FAM9C: variants seen among roughly 807,000 people sequenced by gnomAD.
FAM9C encodes the protein protein FAM9C.
FAM9C carries 15 observed loss-of-function variants against 14.8 expected under a neutral mutation model. That is an observed-to-expected ratio of 1.02 (90% CI 0.68 to 1.56). The LOEUF is 1.56. FAM9C is among the 40% of genes most tolerant of loss of function. FAM9C has a pLI of 0.00. For missense variants in FAM9C, 116 were observed against 118.0 expected, an observed-to-expected ratio of 0.98 and a Z score of 0.08; for synonymous variants, 45 against 37.5, an observed-to-expected ratio of 1.20 and a Z score of -0.74.
intron 7 of FAM9C, chrX:13,037,490 T>C (rs756700614): frequency 9.7e-5 from 11 of 112,857 alleles, no homozygotes; most frequent in Non-Finnish European, 1.9e-4. Context: ...CTGGGGAACA[T>C]TATAGCAACA....
rs779659660 is a variant in FAM9C at position 13,040,844 on chromosome X, CT to C, written c.242del (p.Lys81ArgfsTer15). 17 of 1,186,141 alleles carry C rather than the reference CT, an allele frequency of 1.4e-5. No homozygotes were observed. The Admixed American group carries it at 3.8e-4, about 26-fold the overall frequency. On this transcript the variant is annotated frameshift_variant, in exon 5 of 8. Coordinates refer to ENST00000380625, the MANE Select transcript of FAM9C (RefSeq NM_174901.6). LOFTEE classifies it high-confidence loss of function. ...AADIKEHLAA[K>X]RKRIEKIAKA... Reference sequence around the variant, plus strand: ...TTGCAATCTTTTCAATCCTTTTTCTCTTTGCAGCAAGATGCTCTTTAATGTC... The same window carrying C: ...TTGCAATCTTTTCAATCCTTTTTCTCTTGCAGCAAGATGCTCTTTAATGTC...
chrX:13,039,517 C>T (rs2147290867), intron 6 of FAM9C, among the ~76,000 whole-genome samples: 1 of 111,782 alleles, frequency 8.9e-6, no homozygotes, highest in South Asian at 3.8e-4. Flanking sequence ...CCAACTCTCC[C>T]TCTATCAACA....
chrX:13,044,251 G>C (rs921079536), intron 1 of FAM9C, among the ~76,000 whole-genome samples: 4 of 110,897 alleles, frequency 3.6e-5, no homozygotes, highest in African/African-American at 1.3e-4. Context: ...ACGCCCAGGG[G>C]ACCCCTGGTG....
rs776082875 is a variant in FAM9C, at chrX:13,043,686, T to C, written c.61+43A>G. ...CCCCGCCCAGAAAGCAGACAGACTG[T>C]TGGGCGTGCACCTTCTTCTAGGTCC... On this transcript the variant is annotated intron_variant, in intron 2 of 7. Coordinates refer to ENST00000380625, the MANE Select transcript of FAM9C (RefSeq NM_174901.6). The C allele has an allele frequency of 1.2e-5, 14 of 1,197,700 alleles. No homozygotes were observed. The South Asian group carries it at 1.8e-4, about 15-fold the overall frequency.
rs747837255 is a variant in FAM9C, at chrX:13,039,933, G to A, written c.330-17C>T. On this transcript the variant is annotated splice_polypyrimidine_tract_variant and intron_variant, in intron 5 of 7. Coordinates refer to ENST00000380625, the MANE Select transcript of FAM9C (RefSeq NM_174901.6). ...CGTTTCTGCCTGTAACACATAATAA[G>A]TAACAAGGTCATACGTCATAGAGGG... 4 of 1,164,267 alleles carry A rather than the reference G, an allele frequency of 3.4e-6. No homozygotes were observed. In the South Asian group the frequency reaches 5.9e-5, roughly 17 times the overall value.
intron 1 of FAM9C, among the ~76,000 whole-genome samples, chrX:13,044,309 G>A (rs112718578): frequency 0.054 from 5,170 of 96,381 alleles, 180 homozygotes; most frequent in Middle Eastern, 0.086. Flanking sequence ...ACGGACCCAC[G>A]TTGACCCCCC....
intron 1 of FAM9C, among the ~76,000 whole-genome samples, chrX:13,044,064 C>T (rs1339975705): frequency 1.8e-5 from 2 of 112,417 alleles, no homozygotes; most frequent in Non-Finnish European, 1.9e-5. Flanking sequence ...GCGGCCTCTG[C>T]GGGATTCTTG....
intron 1 of FAM9C, 50 bp from the exon 2 acceptor site, chrX:13,043,907 A>G: frequency 1.3e-6 from 1 of 769,823 alleles, no homozygotes; most frequent in Non-Finnish European, 1.9e-6. Context: ...GAGGCGTGTT[A>G]AATGAAAATC....
At chrX:13,039,359 C>T (rs1189556356) in intron 6 of FAM9C, among the ~76,000 whole-genome samples, 1 of 111,204 alleles carries the variant, frequency 9.0e-6, no homozygotes, top group Non-Finnish European at 1.9e-5. Context: ...TTCAGTACTA[C>T]AGCTCAGGAG....
At position 13,043,170 on chromosome X, in the gene FAM9C, T is replaced by G. The variant is rs760229204; in HGVS notation, c.140A>C (p.His47Pro). 4 of 1,211,414 alleles carry G rather than the reference T, an allele frequency of 3.3e-6. No homozygotes were observed. Among genetic ancestry groups the G allele is most frequent in the Non-Finnish European group, 4.5e-6 (4 of 895,347 alleles). ...ETKEGDVTDE[H>P]GERGSFAETD... ...TTCAGCAAAAGATCCTCTTTCCCCATGCTCATCAGTTACATCTCCCTCCTT... is the reference window on the plus strand; with the variant it reads ...TTCAGCAAAAGATCCTCTTTCCCCAGGCTCATCAGTTACATCTCCCTCCTT... The change falls in exon 3 of 8, where the codon CAT becomes CCT. Residue 47 changes from histidine (H) to proline (P), a missense_variant. Physicochemically the swap from His to Pro is moderately conservative, Grantham distance 77 (BLOSUM62 -2). Coordinates refer to ENST00000380625, the MANE Select transcript of FAM9C (RefSeq NM_174901.6).
intron 7 of FAM9C, 107 bp downstream of exon 7, chrX:13,038,309 A>G: frequency 6.6e-6 from 4 of 606,646 alleles, no homozygotes; most frequent in Non-Finnish European, 9.6e-6. Flanking sequence ...TTTAAAATGT[A>G]TAACCAAAAT....
chrX:13,038,424 A>G lies in FAM9C; in HGVS notation c.*17T>C, dbSNP rs1387158123. 1 of 1,194,513 alleles carries G rather than the reference A, an allele frequency of 8.4e-7. No homozygotes were observed. The highest frequency in any genetic ancestry group is 1.8e-5 in the African/African-American group (1 of 57,054). On this transcript the variant is annotated 3_prime_UTR_variant, in exon 7 of 8. Transcript: ENST00000380625. ...TACCAAATAGAACAGACCTTTGTGA[A>G]TTGCTCGTGTGGTGGCTCAATCTCT... is the stretch of plus-strand genomic sequence containing the variant.
chrX:13,039,944 A>G, intron 5 of FAM9C, 28 bp from the exon 6 acceptor site: 1 of 1,139,332 alleles, frequency 8.8e-7, no homozygotes. Context: ...TAACAAGGTC[A>G]TACGTCATAG....
Position 13,035,997 on chromosome X carries a change from T to C in FAM9C, c.*47A>G, listed in dbSNP as rs762558130. 8.9e-6 allele frequency: 1 copy of C among 112,619 alleles called. No individual in the cohort carries two copies. The highest frequency in any genetic ancestry group is 9.4e-5 in the Admixed American group (1 of 10,679). The allele number at this position is 112,619 out of a possible 1,213,427, so 9.3% of individuals were successfully genotyped here. A position where few individuals can be genotyped will look rare whatever the true frequency, so the allele number is the denominator to read the frequency against. On this transcript the variant is annotated 3_prime_UTR_variant, in exon 8 of 8. Coordinates refer to ENST00000380625, the MANE Select transcript of FAM9C (RefSeq NM_174901.6). ...AACAGAGGTTGAAGATACATCTGAA[T>C]AAGTGCCAACTCTTGCTGCAGCTGT...
intron 5 of FAM9C, chrX:13,040,159 C>T (rs1190245459): frequency 3.0e-6 from 1 of 329,582 alleles, no homozygotes; most frequent in Non-Finnish European, 4.0e-6. Flanking sequence ...GGAGGGTTTA[C>T]TGCACTATAA....
At chrX:13,042,823 G>A (rs749014630) in intron 4 of FAM9C, 95 bp downstream of exon 4, 2 of 940,921 alleles carry the variant, frequency 2.1e-6, no homozygotes, top group Non-Finnish European at 3.1e-6. Flanking sequence ...AGGCATTTAA[G>A]ACAGTCTTGT....
intron 4 of FAM9C, chrX:13,041,177 C>CTTT: frequency 1.8e-5 from 2 of 108,284 alleles, no homozygotes; most frequent in Non-Finnish European, 3.7e-5. Context: ...ACTTTAATTT[C>CTTT]TTTTTTTTTT....
rs765817685 is a variant in FAM9C, at chrX:13,040,758, C to A, written c.329G>T (p.Arg110Met). ...KNVLRTTQLK[R>M]QKRDYRISLK... ...TATTCAAAAAAGCCAACAATCATAC[C>A]TTTTTAGTTGTGTTGTTCTCAAAAC... is the stretch of plus-strand genomic sequence containing the variant. The change falls in exon 5 of 8, where the codon AGG (arginine) becomes ATG (methionine). Residue 110 changes from arginine to methionine, a missense_variant and splice_region_variant. Coordinates refer to ENST00000380625, the MANE Select transcript of FAM9C (RefSeq NM_174901.6). 4 of 1,142,885 alleles carry A rather than the reference C, an allele frequency of 3.5e-6. No homozygotes were observed. The East Asian group carries it at 9.1e-5, about 26-fold the overall frequency. 94.2% of individuals were successfully genotyped at this position (1,142,885 alleles called of 1,213,427 possible).
In FAM9C at chrX:13,038,223, GTTTTATGTTA is replaced by G. The variant is rs2043494801; in HGVS notation, c.*25+183_*25+192del. On this transcript the variant is annotated intron_variant, in intron 7 of 7. Transcript: ENST00000380625. ...ACTATTCATGAATCCTAAAAATACT[GTTTTATGTTA>G]TTTTATGTTATTTACTACTTATGTT... 1.2e-5 allele frequency: 4 copies of G among 323,985 alleles called. 1 individual carries two copies. Among genetic ancestry groups the G allele is most frequent in the Non-Finnish European group, 2.1e-5 (4 of 189,318 alleles). The allele number at this position is 323,985 out of a possible 1,213,427, so 26.7% of individuals were successfully genotyped here. A position where few individuals can be genotyped will look rare whatever the true frequency, so the allele number is the denominator to read the frequency against.
Sources: allele counts gnomAD v4.1 joint callset (sites outside exome capture counted in the v4.1 genomes callset), GRCh38; gene constraint gnomAD v4.1.1; transcripts MANE v1.5; gene names NCBI Gene and HGNC (gene_info 2026-07-23, HGNC 2026-07-21).